SLC5A3: variants seen among roughly 807,000 people sequenced by gnomAD.
The protein encoded by SLC5A3 is solute carrier family 5 member 3.
SLC5A3 carries 10 observed loss-of-function variants against 43.2 expected under a neutral mutation model. The ratio of observed to expected loss-of-function variants is 0.23; its 90% CI spans 0.14 to 0.39. SLC5A3 has a LOEUF of 0.39. Among genes scored for constraint, SLC5A3 ranks in the 10% least tolerant of loss-of-function variants. SLC5A3 has a pLI of 1.00. For missense variants in SLC5A3, 608 were observed against 893.4 expected (o/e 0.68, Z 4.07); for synonymous variants, 349 against 322.0 (o/e 1.08, Z -0.90).
chr21:34,086,370 C>T (rs1472048979), intron 1 of SLC5A3, among the ~76,000 whole-genome samples: 1 of 152,124 alleles, frequency 6.6e-6, no homozygotes, highest in East Asian at 1.9e-4. Flanking sequence ...CCCCAGCAGC[C>T]TTTCTCCTGA....
At chr21:34,087,371 G>T (rs901987270) in intron 1 of SLC5A3, among the ~76,000 whole-genome samples, 4 of 152,132 alleles carry the variant, frequency 2.6e-5, no homozygotes, top group African/African-American at 9.7e-5. Flanking sequence ...GAACTTAGTT[G>T]TTAATATTTG....
intron 1 of SLC5A3, among the ~76,000 whole-genome samples, chr21:34,082,864 A>G (rs1018369222): frequency 6.6e-6 from 1 of 152,120 alleles, no homozygotes; most frequent in Non-Finnish European, 1.5e-5. Flanking sequence ...TCCCCTTGCA[A>G]TCATTTTTAC....
In SLC5A3 at chr21:34,073,611, G is replaced by C. The variant is rs1378244665; in HGVS notation, c.-471G>C. The C allele has an allele frequency of 5.8e-6, 7 of 1,198,036 alleles. No homozygotes were observed. The highest frequency in any genetic ancestry group is 2.5e-4 in the Middle Eastern group (1 of 4,016). The allele number at this position is 1,198,036 out of a possible 1,614,324, so 74.2% of individuals were successfully genotyped here. On this transcript the variant is annotated 5_prime_UTR_variant, in exon 1 of 2. Coordinates refer to ENST00000381151, the MANE Select transcript of SLC5A3 (RefSeq NM_006933.7). ...CGCCTGGGAGCCGTCCGGCGCAGCA[G>C]TTTCTAGGTCCCCACTGTCCCCGCC...
intron 1 of SLC5A3, among the ~76,000 whole-genome samples, chr21:34,088,547 A>G (rs1978514916): frequency 6.6e-6 from 1 of 152,254 alleles, no homozygotes; most frequent in Non-Finnish European, 1.5e-5. Flanking sequence ...TGTATTTTCA[A>G]GCACAACTTT....
In SLC5A3 at chr21:34,101,144, A is replaced by G. The variant is rs1979218181; in HGVS notation, c.*3789A>G. The G allele has an allele frequency of 1.0e-6, 1 of 1,000,078 alleles. No individual in the cohort carries two copies. Among genetic ancestry groups the G allele is most frequent in the Non-Finnish European group, 1.2e-6 (1 of 829,978 alleles). The allele number at this position is 1,000,078 out of a possible 1,614,324, so 62.0% of individuals were successfully genotyped here. A position where few individuals can be genotyped will look rare whatever the true frequency, so the allele number is the denominator to read the frequency against. On this transcript the variant is annotated 3_prime_UTR_variant, in exon 2 of 2. Coordinates refer to ENST00000381151, the MANE Select transcript of SLC5A3 (RefSeq NM_006933.7). ...TCCTAAGAAATCAGAAAAATGATTA[A>G]GTGAGATAAGTACCTGGGTGACACA...
At chr21:34,078,711 A>G (rs1381662857) in intron 1 of SLC5A3, among the ~76,000 whole-genome samples, 4 of 152,216 alleles carry the variant, frequency 2.6e-5, no homozygotes, top group Non-Finnish European at 2.9e-5. Flanking sequence ...TAACTCATCT[A>G]AAAGAAACCT....
At position 34,105,990 on chromosome 21, in the gene SLC5A3, G is replaced by T. The variant is rs1979459894; in HGVS notation, c.*8635G>T. ...CTTGGTTTCATGTGTTTTTGAAAGT[G>T]TTATTGTTTAAAAAATGAAAAAAGC... On this transcript the variant is annotated 3_prime_UTR_variant, in exon 2 of 2. Coordinates refer to ENST00000381151, the MANE Select transcript of SLC5A3 (RefSeq NM_006933.7). 51 of 995,010 alleles carry T rather than the reference G, an allele frequency of 5.1e-5. No individual in the cohort carries two copies. The highest frequency in any genetic ancestry group is 6.2e-5 in the Non-Finnish European group (51 of 825,266). The allele number at this position is 995,010 out of a possible 1,614,324, so 61.6% of individuals were successfully genotyped here.
rs1447632514 is a variant in SLC5A3 at position 34,101,377 on chromosome 21, C to T, written c.*4022C>T. ...TTATAAAGTACGAAGTTTGTTACCA[C>T]AGTAGAGATAATTTAGTAGAAAAAT... On this transcript the variant is annotated 3_prime_UTR_variant, in exon 2 of 2. Coordinates refer to ENST00000381151, the MANE Select transcript of SLC5A3 (RefSeq NM_006933.7). The T allele has an allele frequency of 1.5e-5, 15 of 999,962 alleles. No individual in the cohort carries two copies. Among genetic ancestry groups the T allele is most frequent in the African/African-American group, 1.7e-5 (1 of 57,210 alleles). 61.9% of individuals were successfully genotyped at this position (999,962 alleles called of 1,614,324 possible).
chr21:34,106,252 A>G lies in SLC5A3; in HGVS notation c.*8897A>G. ...TTCTGTACCAACTTTGAATAAAATG[A>G]AAAATTTATATTTCTGTGACTAAGT... On this transcript the variant is annotated 3_prime_UTR_variant, in exon 2 of 2. Transcript: ENST00000381151. 1 of 816,012 alleles carries G rather than the reference A, an allele frequency of 1.2e-6. No individual in the cohort carries two copies. The highest frequency in any genetic ancestry group is 1.5e-6 in the Non-Finnish European group (1 of 662,114). The allele number at this position is 816,012 out of a possible 1,614,324, so 50.5% of individuals were successfully genotyped here.
At position 34,074,920 on chromosome 21, in the gene SLC5A3, C is replaced by A. The variant is rs536864496; in HGVS notation, c.-337+1175C>A. Among the ~76,000 whole-genome samples, 22 of 152,292 alleles carry A rather than the reference C, an allele frequency of 1.4e-4. 1 individual carries two copies. The highest frequency in any genetic ancestry group is 3.4e-3 in the Middle Eastern group (1 of 294). On this transcript the variant is annotated intron_variant, in intron 1 of 1. Coordinates refer to ENST00000381151, the MANE Select transcript of SLC5A3 (RefSeq NM_006933.7). ...GCATATTGTTAACTGGGAAGGGACG[C>A]CAGTGCCTCTCTATGAGGTCCAGAC...
At chr21:34,082,083 A>G (rs1342433129) in intron 1 of SLC5A3, among the ~76,000 whole-genome samples, 6 of 151,440 alleles carry the variant, frequency 4.0e-5, no homozygotes, top group Admixed American at 3.9e-4. Context: ...TTGCCAACTA[A>G]TTGAATACTT....
chr21:34,097,077 C>G lies in SLC5A3; in HGVS notation c.1879C>G (p.Pro627Ala). 6.2e-7 allele frequency: 1 copy of G among 1,614,040 alleles called. No individual in the cohort carries two copies. Among genetic ancestry groups the G allele is most frequent in the South Asian group, 1.1e-5 (1 of 91,084 alleles). The change falls in exon 2 of 2, where the codon CCA becomes GCA. Residue 627 changes from proline to alanine, a missense_variant. Around this residue, in one of 2 missense-constraint regions of SLC5A3, gnomAD observed 210 missense variants for 224.8 expected, o/e 0.93. Coordinates refer to ENST00000381151, the MANE Select transcript of SLC5A3 (RefSeq NM_006933.7). Reference sequence around the variant, plus strand: ...CTTAGGTCATTCAGAGGCAGAAACACCAGTTGACGCTTACTCCAATGGGCA... The same window carrying G: ...CTTAGGTCATTCAGAGGCAGAAACAGCAGTTGACGCTTACTCCAATGGGCA... The part of the protein sequence containing the change: ...ASLGHSEAET[P>A]VDAYSNGQAA...
Position 34,096,120 on chromosome 21 carries a change from C to T in SLC5A3, c.922C>T (p.Leu308=). Residue 308 remains leucine (L), a synonymous_variant, in exon 2 of 2, where the codon CTG becomes TTG. Coordinates refer to ENST00000381151, the MANE Select transcript of SLC5A3 (RefSeq NM_006933.7). The surrounding 1 kb of genome is among the most constrained non-coding windows in gnomAD (Gnocchi z 5.9). The part of the protein sequence containing the change: ...STLMAGFLKL[L]PMFIIVVPGM... Reference sequence around the variant, plus strand: ...TCTTATGGCTGGCTTCTTAAAGCTCCTGCCAATGTTTATCATAGTTGTCCC... The same window carrying T: ...TCTTATGGCTGGCTTCTTAAAGCTCTTGCCAATGTTTATCATAGTTGTCCC... 6.2e-7 allele frequency: 1 copy of T among 1,614,144 alleles called. No homozygotes were observed. Among genetic ancestry groups the T allele is most frequent in the Non-Finnish European group, 8.5e-7 (1 of 1,180,010 alleles).
intron 1 of SLC5A3, among the ~76,000 whole-genome samples, chr21:34,082,543 C>T (rs1323985842): frequency 6.6e-6 from 1 of 151,462 alleles, no homozygotes; most frequent in Admixed American, 6.6e-5. Flanking sequence ...TTTTTTTTTG[C>T]TCAGAGTGTA....
intron 1 of SLC5A3, among the ~76,000 whole-genome samples, chr21:34,090,835 C>G (rs1978647567): frequency 6.6e-6 from 1 of 152,192 alleles, no homozygotes; most frequent in African/African-American, 2.4e-5. Flanking sequence ...AGTGACGGAG[C>G]ATGGAACCCA....
intron 1 of SLC5A3, among the ~76,000 whole-genome samples, chr21:34,080,069 C>G (rs971687781): frequency 4.6e-5 from 7 of 152,170 alleles, no homozygotes; most frequent in Admixed American, 2.0e-4. Flanking sequence ...TGGACTCTTG[C>G]AGTTTCTTAG....
chr21:34,096,283 G>T lies in SLC5A3; in HGVS notation c.1085G>T (p.Gly362Val). 6.2e-7 allele frequency: 1 copy of T among 1,614,138 alleles called. No individual in the cohort carries two copies. The highest frequency in any genetic ancestry group is 8.5e-7 in the Non-Finnish European group (1 of 1,180,010). ...PRLVMKLVPVGLRGLMMAVMI... is the reference protein window; with the variant it reads ...PRLVMKLVPVVLRGLMMAVMI... ...CTGGTGATGAAGCTGGTTCCTGTGG[G>T]CCTTCGGGGTTTAATGATGGCAGTG... Residue 362 changes from glycine (G) to valine (V), a missense_variant, in exon 2 of 2, where the codon GGC (glycine) becomes GTC (valine). Transcript: ENST00000381151. The surrounding 1 kb of genome is among the most constrained non-coding windows in gnomAD (Gnocchi z 5.9).
Position 34,101,156 on chromosome 21 carries a change from A to G in SLC5A3, c.*3801A>G, listed in dbSNP as rs1165582395. 5 of 1,000,044 alleles carry G rather than the reference A, an allele frequency of 5.0e-6. No homozygotes were observed. In the East Asian group the frequency reaches 5.7e-4, roughly 113 times the overall value. The allele number at this position is 1,000,044 out of a possible 1,614,324, so 61.9% of individuals were successfully genotyped here. On this transcript the variant is annotated 3_prime_UTR_variant, in exon 2 of 2. Coordinates refer to ENST00000381151, the MANE Select transcript of SLC5A3 (RefSeq NM_006933.7). ...AGAAAAATGATTAAGTGAGATAAGT[A>G]CCTGGGTGACACAGATATTAGCCCG...
chr21:34,082,647 A>G (rs1989485342), intron 1 of SLC5A3, among the ~76,000 whole-genome samples: 1 of 152,164 alleles, frequency 6.6e-6, no homozygotes, highest in Admixed American at 6.5e-5. Flanking sequence ...ATTATAGAGG[A>G]GGGAGGTGAT....
Sources: gnomAD v4.1 joint callset for allele counts (sites outside exome capture counted in the v4.1 genomes callset) on GRCh38, gnomAD v4.1.1 for gene constraint, gnomAD v4.1.1 regional missense constraint, Gnocchi (gnomAD v3.1) non-coding constraint, MANE v1.5 for transcripts, NCBI Gene and HGNC (gene_info 2026-07-23, HGNC 2026-07-21) for gene names.